The following MYO3A variants were observed in gnomAD, a reference collection of about 807,000 sequenced individuals.
MYO3A encodes myosin IIIA, also known as myosin-IIIa.
In MYO3A, 180 loss-of-function variants were observed where a neutral mutation model predicts 192.7. That is an observed-to-expected ratio of 0.93 (90% CI 0.83 to 1.06). The LOEUF (loss-of-function observed/expected upper bound fraction) is 1.06, where lower values mean the gene tolerates loss of function less well. Among genes scored for constraint, MYO3A ranks in the 50% least tolerant of loss-of-function variants. The probability of loss-of-function intolerance (pLI) is 0.00; values close to 1 mark genes in which losing one functional copy is unlikely to be tolerated. For synonymous variants in MYO3A, 628 were observed against 645.3 expected, an observed-to-expected ratio of 0.97 and a Z score of 0.41; for missense variants, 1,896 against 1,905.0, an observed-to-expected ratio of 1.00 and a Z score of 0.09.
intron 10 of MYO3A, among the ~76,000 whole-genome samples, chr10:26,051,117 A>G (rs933515864): frequency 6.6e-6 from 1 of 152,176 alleles, no homozygotes; most frequent in African/African-American, 2.4e-5. Flanking sequence ...CAGCATACCC[A>G]ATTTCTTGCA....
intron 4 of MYO3A, among the ~76,000 whole-genome samples, chr10:25,983,781 A>C (rs1357099712): frequency 6.6e-6 from 1 of 152,228 alleles, no homozygotes; most frequent in African/African-American, 2.4e-5. Flanking sequence ...AAATCATCAC[A>C]AAAGATCATT....
chr10:26,165,486 T>C (rs1319529733), intron 26 of MYO3A, among the ~76,000 whole-genome samples: 4 of 152,240 alleles, frequency 2.6e-5, no homozygotes, highest in Non-Finnish European at 4.4e-5. Flanking sequence ...CTTTCAGTTC[T>C]TTCCTGCATT....
chr10:26,212,200 C>G lies in MYO3A; in HGVS notation c.*237C>G. On this transcript the variant is annotated 3_prime_UTR_variant, in exon 35 of 35. Coordinates refer to ENST00000642920, the MANE Select transcript of MYO3A (RefSeq NM_017433.5). ...GACGCTCTCTCTCGGAACTCCCGCA[C>G]CCTCCTTTCTCACCAGCCCGCCAGT... 3.6e-6 allele frequency: 2 copies of G among 561,000 alleles called. No individual in the cohort carries two copies. The highest frequency in any genetic ancestry group is 6.2e-6 in the Non-Finnish European group (2 of 325,142). 34.8% of individuals were successfully genotyped at this position (561,000 alleles called of 1,614,324 possible). A position where few individuals can be genotyped will look rare whatever the true frequency, so the allele number is the denominator to read the frequency against.
chr10:26,143,304 C>G lies in MYO3A; in HGVS notation c.2263-144C>G. The G allele has an allele frequency of 6.2e-6, 5 of 802,008 alleles. No homozygotes were observed. The South Asian group carries it at 6.5e-5, about 10-fold the overall frequency. 49.7% of individuals were successfully genotyped at this position (802,008 alleles called of 1,614,324 possible). ...CTAGATTGCGCCAATATACTCCAGCCTGGACGACAGAGCGAGTCTCCGTCA... is the reference window on the plus strand; with the variant it reads ...CTAGATTGCGCCAATATACTCCAGCGTGGACGACAGAGCGAGTCTCCGTCA... On this transcript the variant is annotated intron_variant, in intron 20 of 34. Coordinates refer to ENST00000642920, the MANE Select transcript of MYO3A (RefSeq NM_017433.5).
At chr10:26,070,477 A>C in intron 14 of MYO3A, 76 bp downstream of exon 14, 1 of 1,242,120 alleles carries the variant, frequency 8.1e-7, no homozygotes, top group Non-Finnish European at 1.2e-6. Flanking sequence ...GATTAGATTA[A>C]TATTCTCTAG....
intron 15 of MYO3A, 46 bp from the exon 16 acceptor site, chr10:26,096,335 G>T (rs2131557817): frequency 2.2e-6 from 3 of 1,362,644 alleles, no homozygotes; most frequent in Non-Finnish European, 3.1e-6. Flanking sequence ...ACTTAAGCAA[G>T]AAATGTTCTT....
intron 10 of MYO3A, among the ~76,000 whole-genome samples, chr10:26,052,200 A>G (rs776471537): frequency 9.9e-5 from 15 of 152,156 alleles, no homozygotes; most frequent in Admixed American, 5.2e-4. Flanking sequence ...ACATGTACGG[A>G]TTTTCATCTA....
At position 26,096,740 on chromosome 10, in the gene MYO3A, T is replaced by C. The variant is rs140795330; in HGVS notation, c.1776+58T>C. ...AAGTATCTTTTTATCATCACTAATG[T>C]TAAGAGCATTTATTGAGTGATTAAT... On this transcript the variant is annotated intron_variant, in intron 17 of 34. Transcript: ENST00000642920. 93 of 1,181,054 alleles carry C rather than the reference T, an allele frequency of 7.9e-5. 1 individual carries two copies. In the African/African-American group the frequency reaches 9.3e-4, roughly 12 times the overall value. 73.2% of individuals were successfully genotyped at this position (1,181,054 alleles called of 1,614,324 possible). A position where few individuals can be genotyped will look rare whatever the true frequency, so the allele number is the denominator to read the frequency against.
chr10:26,150,939 T>G (rs919352430), intron 23 of MYO3A, among the ~76,000 whole-genome samples: 6 of 152,184 alleles, frequency 3.9e-5, no homozygotes, highest in African/African-American at 1.4e-4. Flanking sequence ...AGCACTTATA[T>G]GGGTTATTTA....
chr10:26,108,132 A>G (rs1198006361), intron 17 of MYO3A, among the ~76,000 whole-genome samples: 1 of 152,178 alleles, frequency 6.6e-6, no homozygotes, highest in African/African-American at 2.4e-5. Context: ...AGAAGCTTTC[A>G]GACTTTGCTC....
chr10:25,940,573 G>A (rs1001814530), intron 2 of MYO3A, among the ~76,000 whole-genome samples: 6 of 151,694 alleles, frequency 4.0e-5, no homozygotes, highest in East Asian at 3.9e-4. Flanking sequence ...CCTTTCTTGC[G>A]GGATCATTGT....
At chr10:25,948,037 TG>T (rs1243635542) in intron 2 of MYO3A, among the ~76,000 whole-genome samples, 1 of 152,090 alleles carries the variant, frequency 6.6e-6, no homozygotes, top group African/African-American at 2.4e-5. Flanking sequence ...GAAGTAAGAC[TG>T]GGATTGTAAG....
At chr10:26,209,291 T>G (rs191551509) in intron 34 of MYO3A, among the ~76,000 whole-genome samples, 1 of 152,346 alleles carries the variant, frequency 6.6e-6, no homozygotes, top group Admixed American at 6.5e-5. Flanking sequence ...CCCCTCACTC[T>G]TCTGCACCTT....
chr10:25,957,969 A>T (rs1837666248), intron 4 of MYO3A, among the ~76,000 whole-genome samples: 2 of 152,072 alleles, frequency 1.3e-5, no homozygotes, highest in Admixed American at 1.3e-4. Flanking sequence ...TAAGTTCCTT[A>T]CAGATGCTGG....
At chr10:26,206,860 A>G (rs1195015901) in intron 34 of MYO3A, among the ~76,000 whole-genome samples, 1 of 152,206 alleles carries the variant, frequency 6.6e-6, no homozygotes. Flanking sequence ...CTTTGCGAAC[A>G]TTTGTAACCT....
At chr10:25,934,878 G>A (rs1042187075) in intron 1 of MYO3A, among the ~76,000 whole-genome samples, 6 of 152,090 alleles carry the variant, frequency 3.9e-5, no homozygotes, top group African/African-American at 1.4e-4. Context: ...AAGGGGTGAA[G>A]GAAGATCTTT....
chr10:25,964,790 G>T (rs550592201), intron 4 of MYO3A, among the ~76,000 whole-genome samples: 1 of 152,146 alleles, frequency 6.6e-6, no homozygotes, highest in Non-Finnish European at 1.5e-5. Context: ...GTTTGGTATT[G>T]ATGAAATCCT....
rs1835017150 is a variant in MYO3A at position 26,068,825 on chromosome 10, G to A, written c.1111G>A (p.Val371Met). Residue 371 changes from valine (V) to methionine (M), a missense_variant, in exon 12 of 35, where the codon GTG becomes ATG. By Grantham distance (21) the Val-to-Met change is conservative. Coordinates refer to ENST00000642920, the MANE Select transcript of MYO3A (RefSeq NM_017433.5). ...TTCCAGAGATCAGATCTACGTCTAT[G>A]TGGGAGACATACTCATTGCTCTTAA... ...CYSRDQIYVY[V>M]GDILIALNPF... 1 of 1,601,362 alleles carries A rather than the reference G, an allele frequency of 6.2e-7. No individual in the cohort carries two copies. The highest frequency in any genetic ancestry group is 8.6e-7 in the Non-Finnish European group (1 of 1,168,510).
intron 2 of MYO3A, among the ~76,000 whole-genome samples, chr10:25,941,921 ATGT>A (rs1425146779): frequency 6.6e-6 from 1 of 151,688 alleles, no homozygotes; most frequent in East Asian, 1.9e-4. Flanking sequence ...CCTCTCATAC[ATGT>A]TGTAGTATGT....
Sources: allele counts gnomAD v4.1 joint callset (sites outside exome capture counted in the v4.1 genomes callset), GRCh38; gene constraint gnomAD v4.1.1; transcripts MANE v1.5; gene names NCBI Gene and HGNC (gene_info 2026-07-23, HGNC 2026-07-21).